Variants in SEMA4A observed in about 807,000 individuals in gnomAD.
The protein encoded by SEMA4A is semaphorin 4A, also known as semaphorin-4A.
SEMA4A carries 52 observed loss-of-function variants against 72.5 expected under a neutral mutation model. The observed-to-expected ratio is 0.72, with a 90% CI of 0.57 to 0.90. The LOEUF is 0.90. Among genes scored for constraint, SEMA4A ranks in the 40% least tolerant of loss-of-function variants. The pLI, the probability that SEMA4A is intolerant of heterozygous loss-of-function variation, is 0.00. For synonymous variants in SEMA4A, 369 were observed against 393.1 expected (o/e 0.94, Z 0.73); for missense variants, 926 against 959.7 (o/e 0.96, Z 0.46).
Position 156,156,479 on chromosome 1 carries a change from C to G in SEMA4A, c.205C>G (p.Leu69Val), listed in dbSNP as rs1445359098. Reference sequence around the variant, plus strand: ...CCTCCAGGATTTTGACACTCTGCTCCTGAGTGGTGATGGAAATACTCTCTA... The same window carrying G: ...CCTCCAGGATTTTGACACTCTGCTCGTGAGTGGTGATGGAAATACTCTCTA... ...KGLQDFDTLLLSGDGNTLYVG... is the reference protein window; with the variant it reads ...KGLQDFDTLLVSGDGNTLYVG... Residue 69 changes from leucine (L) to valine (V), a missense_variant, in exon 3 of 15, where the codon CTG becomes GTG. By Grantham distance (32) the Leu-to-Val change is conservative (BLOSUM62 1). Coordinates refer to ENST00000368285, the MANE Select transcript of SEMA4A (RefSeq NM_022367.4). 1 of 1,614,030 alleles carries G rather than the reference C, an allele frequency of 6.2e-7. No homozygotes were observed. The highest frequency in any genetic ancestry group is 1.3e-5 in the African/African-American group (1 of 74,900).
Position 156,160,575 on chromosome 1 carries a change from C to A in SEMA4A, c.685+16C>A, listed in dbSNP as rs1221310535. 2 of 1,600,668 alleles carry A rather than the reference C, an allele frequency of 1.2e-6. No individual in the cohort carries two copies. The highest frequency in any genetic ancestry group is 3.3e-5 in the Admixed American group (2 of 59,938). On this transcript the variant is annotated intron_variant, in intron 7 of 14. Transcript: ENST00000368285. ...TGGCTGCATCGTAAGGACCTGACCC[C>A]CGCTGGCCTCCTTTCCTGAGTCCTG...
upstream of SEMA4A, among the ~76,000 whole-genome samples, chr1:156,149,273 G>A (rs1652349700): frequency 6.6e-6 from 1 of 152,202 alleles, no homozygotes; most frequent in South Asian, 2.1e-4. Context: ...CCCCGAATGG[G>A]AAAGAATCCG....
At chr1:156,160,380 T>A in intron 6 of SEMA4A, 63 bp from the exon 7 acceptor site, 4 of 1,260,786 alleles carry the variant, frequency 3.2e-6, no homozygotes, top group Non-Finnish European at 3.5e-6. Flanking sequence ...CAGAGGCAGG[T>A]CTGTGGAGGG....
upstream of SEMA4A, among the ~76,000 whole-genome samples, chr1:156,148,648 G>A (rs1236022168): frequency 5.9e-5 from 9 of 152,166 alleles, no homozygotes; most frequent in African/African-American, 2.2e-4. Context: ...TGGATGTGAG[G>A]CAGGGAGGGT....
At position 156,176,560 on chromosome 1, in the gene SEMA4A, G is replaced by A; in HGVS notation, c.1849G>A (p.Gly617Arg). Residue 617 changes from glycine to arginine, a missense_variant, in exon 15 of 15, where the codon GGA (glycine) becomes AGA (arginine). Transcript: ENST00000368285. Reference sequence around the variant, plus strand: ...CTCCCTCTTGCTGATAGTGCAGGATGGAGTTGGGGGTCTCTACCAGTGCTG... The same window carrying A: ...CTCCCTCTTGCTGATAGTGCAGGATAGAGTTGGGGGTCTCTACCAGTGCTG... ...NGSLLLIVQDGVGGLYQCWAT... is the reference protein window; with the variant it reads ...NGSLLLIVQDRVGGLYQCWAT... 6.2e-7 allele frequency: 1 copy of A among 1,614,192 alleles called. No homozygotes were observed. Among genetic ancestry groups the A allele is most frequent in the Non-Finnish European group, 8.5e-7 (1 of 1,180,046 alleles).
In SEMA4A at chr1:156,172,928, G is replaced by T. The variant is rs764520336; in HGVS notation, c.1237G>T (p.Val413Leu). 1.3e-5 allele frequency: 21 copies of T among 1,614,160 alleles called. No homozygotes were observed. Among genetic ancestry groups the T allele is most frequent in the Non-Finnish European group, 7.6e-6 (9 of 1,180,008 alleles). ...GACGCCCCTGCTGGTGAAATCTGGC[G>T]TGGAGTATACACGGCTTGCAGTGGA... ...VGTPLLVKSG[V>L]EYTRLAVETA... The change falls in exon 11 of 15, where the codon GTG (valine) becomes TTG (leucine). Residue 413 changes from valine (V) to leucine (L), a missense_variant. Transcript: ENST00000368285.
upstream of SEMA4A, among the ~76,000 whole-genome samples, chr1:156,152,310 G>C (rs56396025): frequency 0.11 from 17,072 of 152,150 alleles, 2,316 homozygotes; most frequent in African/African-American, 0.33. Context: ...TGGAGTCTAT[G>C]ACTTCCAGAA....
Position 156,173,017 on chromosome 1 carries a change from A to C in SEMA4A, c.1315+11A>C. On this transcript the variant is annotated intron_variant, in intron 11 of 14. Transcript: ENST00000368285. ...TGTACCTGGGAACCAGTGAGTAAAGAGTTCCGGGACATCCCCCAGAGGACT... is the reference window on the plus strand; with the variant it reads ...TGTACCTGGGAACCAGTGAGTAAAGCGTTCCGGGACATCCCCCAGAGGACT... 6.2e-7 allele frequency: 1 copy of C among 1,613,372 alleles called. No individual in the cohort carries two copies. The highest frequency in any genetic ancestry group is 1.1e-5 in the South Asian group (1 of 90,986).
upstream of SEMA4A, among the ~76,000 whole-genome samples, chr1:156,148,373 G>C (rs1652260113): frequency 1.3e-5 from 2 of 152,340 alleles, no homozygotes; most frequent in South Asian, 4.1e-4. Context: ...AGGCAGTGAG[G>C]GTGGAGTGTC....
chr1:156,168,558 T>C (rs371752992), intron 10 of SEMA4A, among the ~76,000 whole-genome samples: 26 of 152,230 alleles, frequency 1.7e-4, no homozygotes, highest in African/African-American at 4.1e-4. Context: ...TCTTCTTCTT[T>C]TTTTTTTCCC....
chr1:156,162,045 G>A (rs1054354175), intron 9 of SEMA4A, among the ~76,000 whole-genome samples: 2 of 152,132 alleles, frequency 1.3e-5, no homozygotes, highest in African/African-American at 4.8e-5. Context: ...GGCAGATCAC[G>A]AGGTCAGGAG....
upstream of SEMA4A, among the ~76,000 whole-genome samples, chr1:156,147,588 G>A (rs949601166): frequency 6.6e-6 from 1 of 151,960 alleles, no homozygotes; most frequent in Non-Finnish European, 1.5e-5. Context: ...TGGGGGAGGG[G>A]CAGCCTCAGG....
chr1:156,159,850 G>T (rs967455768), intron 6 of SEMA4A, among the ~76,000 whole-genome samples: 10 of 151,166 alleles, frequency 6.6e-5, no homozygotes, highest in African/African-American at 2.4e-4. Flanking sequence ...CGCTTGAGAT[G>T]GTCAAGGCTA....
Position 156,160,148 on chromosome 1 carries a change from A to T in SEMA4A, c.569-295A>T, listed in dbSNP as rs150078721. ...AGTCACCTTCCAGGATCAGTAAGTG[A>T]TTCTACTTGGCAAGTGGTTCAGCTA... is the stretch of plus-strand genomic sequence containing the variant. On this transcript the variant is annotated intron_variant, in intron 6 of 14. Coordinates refer to ENST00000368285, the MANE Select transcript of SEMA4A (RefSeq NM_022367.4). Among the ~76,000 whole-genome samples the T allele has an allele frequency of 4.8e-3, 732 of 152,178 alleles. 1 individual carries two copies. Among genetic ancestry groups the T allele is most frequent in the Middle Eastern group, 0.017 (5 of 294 alleles).
At position 156,175,608 on chromosome 1, in the gene SEMA4A, A is replaced by G; in HGVS notation, c.1645A>G (p.Ser549Gly). The change falls in exon 14 of 15, where the codon AGT (serine) becomes GGT (glycine). Residue 549 changes from serine to glycine, a missense_variant. Transcript: ENST00000368285. ...ERGNPEWACA[S>G]GPMSRSLRPQ... is the part of the protein sequence containing the mutation. ...GGGGAACCCAGAGTGGGCATGTGCCAGTGGCCCCATGAGCAGGAGCCTTCG... is the reference window on the plus strand; with the variant it reads ...GGGGAACCCAGAGTGGGCATGTGCCGGTGGCCCCATGAGCAGGAGCCTTCG... 1.9e-6 allele frequency: 3 copies of G among 1,613,436 alleles called. No homozygotes were observed. In the South Asian group the frequency reaches 3.3e-5, roughly 18 times the overall value.
At chr1:156,161,220 G>A (rs1653602540) in intron 8 of SEMA4A, 126 bp from the exon 9 acceptor site, 3 of 617,500 alleles carry the variant, frequency 4.9e-6, no homozygotes, top group Non-Finnish European at 7.4e-6. Flanking sequence ...CTGAGGGGGC[G>A]GGGTGGGGAC....
intron 6 of SEMA4A, chr1:156,159,064 G>A: frequency 1.9e-6 from 1 of 523,990 alleles, no homozygotes; most frequent in Non-Finnish European, 3.4e-6. Flanking sequence ...AGTGCCTCAT[G>A]CCTGTAATCC....
At chr1:156,173,553 C>T (rs759784221) in intron 11 of SEMA4A, among the ~76,000 whole-genome samples, 1 of 151,684 alleles carries the variant, frequency 6.6e-6, no homozygotes. Context: ...AAAGTTGTGG[C>T]GGGAGCAGGC....
At chr1:156,171,836 T>C (rs1192568037) in intron 10 of SEMA4A, among the ~76,000 whole-genome samples, 1 of 152,028 alleles carries the variant, frequency 6.6e-6, no homozygotes, top group Non-Finnish European at 1.5e-5. Flanking sequence ...CAAGCTGGAG[T>C]GCAGTGGCGC....
Sources: gnomAD v4.1 joint callset for allele counts (sites outside exome capture counted in the v4.1 genomes callset) on GRCh38, gnomAD v4.1.1 for gene constraint, MANE v1.5 for transcripts, NCBI Gene and HGNC (gene_info 2026-07-23, HGNC 2026-07-21) for gene names.